The following PRR16 variants were observed in gnomAD, a reference collection of about 807,000 sequenced individuals.
The protein encoded by PRR16 is proline rich 16, also known as protein Largen.
PRR16 carries 6 observed loss-of-function variants against 18.2 expected under a neutral mutation model. That is an observed-to-expected ratio of 0.33 (90% CI 0.18 to 0.65). PRR16 has a LOEUF of 0.65. Ranked by LOEUF, PRR16 falls within the 30% of genes least tolerant of loss-of-function variation. The pLI, the probability that PRR16 is intolerant of heterozygous loss-of-function variation, is 0.74. For missense variants in PRR16, 412 were observed against 376.6 expected (o/e 1.09, Z -0.78); for synonymous variants, 151 against 147.8 (o/e 1.02, Z -0.16).
downstream of PRR16, among the ~76,000 whole-genome samples, chr5:120,689,493 T>G (rs1199327787): frequency 6.6e-6 from 1 of 152,152 alleles, no homozygotes; most frequent in Non-Finnish European, 1.5e-5. Flanking sequence ...TTCCTCTTCC[T>G]AAAGACCATA....
At chr5:120,488,239 G>T (rs1352021572) in intron 1 of PRR16, among the ~76,000 whole-genome samples, 2 of 152,254 alleles carry the variant, frequency 1.3e-5, no homozygotes, top group East Asian at 3.9e-4. Context: ...GCTCCTCCTT[G>T]TACCTCTGGT....
chr5:120,629,211 G>T (rs1754975505), intron 1 of PRR16, among the ~76,000 whole-genome samples: 1 of 151,976 alleles, frequency 6.6e-6, no homozygotes, highest in African/African-American at 2.4e-5. Flanking sequence ...CAAAGGACAT[G>T]ATTTTATTCT....
chr5:120,645,808 CCAGGCATTACATCTCGAATAA>C (rs141742228), intron 1 of PRR16, among the ~76,000 whole-genome samples: 16,106 of 151,880 alleles, frequency 0.11, 1,128 homozygotes, highest in Non-Finnish European at 0.14. Flanking sequence ...TGCAGCACTT[CCAGGCATTACATCTCGAATAA>C]CAATGACTAG....
intron 1 of PRR16, among the ~76,000 whole-genome samples, chr5:120,636,761 C>T (rs569391111): frequency 6.6e-6 from 1 of 151,976 alleles, no homozygotes; most frequent in Non-Finnish European, 1.5e-5. Context: ...GGAAATGCAA[C>T]AAAAACGAAG....
intron 1 of PRR16, among the ~76,000 whole-genome samples, chr5:120,683,495 C>G (rs1757032790): frequency 8.2e-6 from 1 of 122,096 alleles, no homozygotes; most frequent in Admixed American, 8.9e-5. Context: ...GTGTGACACT[C>G]CGTCTCAAAA....
chr5:120,785,295 G>T, the PRR16 span, among the ~76,000 whole-genome samples: 2 of 152,104 alleles, frequency 1.3e-5, no homozygotes, highest in African/African-American at 4.8e-5. Context: ...TATCCTGGCT[G>T]ACACTTAGGT....
At chr5:120,472,878 A>G (rs1749314690) in intron 1 of PRR16, among the ~76,000 whole-genome samples, 2 of 152,154 alleles carry the variant, frequency 1.3e-5, no homozygotes, top group African/African-American at 4.8e-5. Flanking sequence ...GTTTCTTATG[A>G]TGTTTGCCAT....
At chr5:120,767,810 T>C in the PRR16 span, among the ~76,000 whole-genome samples, 21 of 151,928 alleles carry the variant, frequency 1.4e-4, no homozygotes, top group African/African-American at 4.8e-4. Context: ...GTTCTCACTA[T>C]ATCTCATCCC....
chr5:120,584,319 A>C (rs751106025), intron 1 of PRR16, among the ~76,000 whole-genome samples: 5 of 152,214 alleles, frequency 3.3e-5, no homozygotes, highest in Non-Finnish European at 7.3e-5. Context: ...AGTTTTTAAA[A>C]GAGGACATCA....
intron 1 of PRR16, among the ~76,000 whole-genome samples, chr5:120,589,081 A>G (rs1455074136): frequency 6.6e-6 from 1 of 152,148 alleles, no homozygotes; most frequent in South Asian, 2.1e-4. Flanking sequence ...AGAGATGATA[A>G]TAAAACCCAC....
At chr5:120,574,032 G>A (rs1043249557) in intron 1 of PRR16, among the ~76,000 whole-genome samples, 1 of 151,760 alleles carries the variant, frequency 6.6e-6, no homozygotes, top group South Asian at 2.1e-4. Flanking sequence ...TTTTGTAGTA[G>A]ACAAATACAA....
chr5:120,762,461 C>T, the PRR16 span, among the ~76,000 whole-genome samples: 26 of 151,892 alleles, frequency 1.7e-4, no homozygotes, highest in African/African-American at 5.8e-4. Context: ...TTTGCATTTC[C>T]CTGATGATTA....
the PRR16 span, among the ~76,000 whole-genome samples, chr5:120,709,005 TTTTTTTTTTTTTTTTTTTTTG>T: frequency 9.8e-4 from 16 of 16,344 alleles, no homozygotes; most frequent in Non-Finnish European, 1.4e-3. Context: ...TTTTTTTTTT[TTTTTTTTTTTTTTTTTTTTTG>T]AGACAGAGTC....
the PRR16 span, among the ~76,000 whole-genome samples, chr5:120,775,425 C>A: frequency 6.6e-6 from 1 of 152,050 alleles, no homozygotes; most frequent in Non-Finnish European, 1.5e-5. Context: ...ATTCTACACC[C>A]TAAATAATAA....
the PRR16 span, among the ~76,000 whole-genome samples, chr5:120,754,323 T>TTATA: frequency 1.3e-5 from 1 of 77,230 alleles, no homozygotes; most frequent in Admixed American, 2.1e-4. Context: ...CATATAAATA[T>TTATA]TATATGTTAT....
chr5:120,758,042 A>G, the PRR16 span, among the ~76,000 whole-genome samples: 16 of 147,738 alleles, frequency 1.1e-4, no homozygotes, highest in Admixed American at 1.1e-3. Flanking sequence ...TCAAGACTTC[A>G]TTAACATGTT....
intron 1 of PRR16, among the ~76,000 whole-genome samples, chr5:120,590,379 G>A (rs564026716): frequency 4.6e-5 from 7 of 152,110 alleles, no homozygotes; most frequent in African/African-American, 1.4e-4. Context: ...CAAATTTGGG[G>A]GAAGTTTGCT....
chr5:120,688,099 T>C (rs1757168762), downstream of PRR16, among the ~76,000 whole-genome samples: 1 of 152,214 alleles, frequency 6.6e-6, no homozygotes, highest in Admixed American at 6.5e-5. Context: ...ATCTCAAAAC[T>C]GTAATCTTTG....
the PRR16 span, among the ~76,000 whole-genome samples, chr5:120,713,147 C>A: frequency 6.6e-6 from 1 of 151,758 alleles, no homozygotes; most frequent in Non-Finnish European, 1.5e-5. Flanking sequence ...TATTATTTAA[C>A]CTTAAAAAAG....
Sources: gnomAD v4.1 joint callset for allele counts (sites outside exome capture counted in the v4.1 genomes callset) on GRCh38, gnomAD v4.1.1 for gene constraint, MANE v1.5 for transcripts, NCBI Gene and HGNC (gene_info 2026-07-23, HGNC 2026-07-21) for gene names.